ADAM12: variants seen among roughly 807,000 people sequenced by gnomAD.
The protein encoded by ADAM12 is ADAM metallopeptidase domain 12.
In ADAM12, 70 loss-of-function variants were observed where a neutral mutation model predicts 106.4. That is an observed-to-expected ratio of 0.66 (90% CI 0.54 to 0.80). The LOEUF (loss-of-function observed/expected upper bound fraction) is 0.80. Ranked by LOEUF, ADAM12 falls within the 30% of genes least tolerant of loss-of-function variation. ADAM12 has a pLI of 0.00. For synonymous variants in ADAM12, 420 were observed against 433.5 expected, an observed-to-expected ratio of 0.97 and a Z score of 0.39; for missense variants, 1,010 against 1,171.9, an observed-to-expected ratio of 0.86 and a Z score of 2.02.
In ADAM12 at chr10:126,053,710, T is replaced by C. The variant is rs141874942; in HGVS notation, c.1610-4041A>G. The stretch of plus-strand genomic sequence containing the variant: ...ATGACGTTTCCTTTGGTCTCAGTCT[T>C]TTTATTTTTTTTGAGAGAGAGTTTC... On this transcript the variant is annotated intron_variant, in intron 14 of 22. Coordinates refer to ENST00000448723, the MANE Select transcript of ADAM12 (RefSeq NM_001288973.2). This position sits in a 1 kb window ranked among gnomAD's most constrained non-coding sequence, Gnocchi z 4.6. Among the ~76,000 whole-genome samples, 310 of 152,252 alleles carry C rather than the reference T, an allele frequency of 2.0e-3. 2 individuals carry two copies. The highest frequency in any genetic ancestry group is 7.2e-3 in the African/African-American group (301 of 41,570).
At position 126,143,146 on chromosome 10, in the gene ADAM12, G is replaced by GTA. The variant is rs1381287361; in HGVS notation, c.340-7488_340-7487dup. ...TGCATGTGTATATCAGTGTGCATGT[G>GTA]TATATATGCACGTGTATATATATGT... On this transcript the variant is annotated intron_variant, in intron 4 of 22. Coordinates refer to ENST00000448723, the MANE Select transcript of ADAM12 (RefSeq NM_001288973.2). Among the ~76,000 whole-genome samples the GTA allele has an allele frequency of 2.6e-5, 4 of 151,168 alleles. No homozygotes were observed. In the East Asian group the frequency reaches 7.8e-4, roughly 30 times the overall value.
chr10:126,119,186 C>T (rs983849087), intron 5 of ADAM12, among the ~76,000 whole-genome samples: 11 of 152,176 alleles, frequency 7.2e-5, no homozygotes, highest in Non-Finnish European at 1.2e-4. Context: ...GAATCAAGAA[C>T]ACTACAGGGA....
Position 126,064,803 on chromosome 10 carries a change from T to C in ADAM12, c.1609+3A>G. 4 of 1,600,442 alleles carry C rather than the reference T, an allele frequency of 2.5e-6. No individual in the cohort carries two copies. The highest frequency in any genetic ancestry group is 3.4e-6 in the Non-Finnish European group (4 of 1,173,958). ...TGATGCCGAGCTTGTGGCGGCCACG[T>C]ACCTGGTCCCCAGAGCGTGACACAC... On this transcript the variant is annotated splice_donor_region_variant and intron_variant, in intron 14 of 22. Coordinates refer to ENST00000448723, the MANE Select transcript of ADAM12 (RefSeq NM_001288973.2). This position sits in a 1 kb window ranked among gnomAD's most constrained non-coding sequence, Gnocchi z 4.4.
intron 6 of ADAM12, among the ~76,000 whole-genome samples, chr10:126,115,613 A>T (rs1955967119): frequency 6.6e-6 from 1 of 152,230 alleles, no homozygotes. Flanking sequence ...CTGTGAAGAA[A>T]AACGCAAACA....
chr10:126,189,499 C>G (rs1957458476), intron 3 of ADAM12, among the ~76,000 whole-genome samples: 1 of 152,190 alleles, frequency 6.6e-6, no homozygotes, highest in African/African-American at 2.4e-5. Context: ...TACGGCTGCT[C>G]TACTCTACGG....
intron 3 of ADAM12, among the ~76,000 whole-genome samples, chr10:126,182,895 G>A (rs78028100): frequency 0.011 from 1,744 of 152,298 alleles, 19 homozygotes; most frequent in Non-Finnish European, 0.019. Flanking sequence ...CCAAACCCCC[G>A]GGCCACAGAC....
At chr10:126,071,937 CAG>C (rs1955003455) in intron 11 of ADAM12, among the ~76,000 whole-genome samples, 1 of 152,158 alleles carries the variant, frequency 6.6e-6, no homozygotes, top group Admixed American at 6.5e-5. Flanking sequence ...TAAGTTCAGG[CAG>C]AGTCTCATTA....
At chr10:126,040,716 T>A (rs1361245721) in intron 18 of ADAM12, among the ~76,000 whole-genome samples, 1 of 152,200 alleles carries the variant, frequency 6.6e-6, no homozygotes, top group African/African-American at 2.4e-5. Flanking sequence ...TTAAAGTTAA[T>A]TTAAAAAGTG....
rs1955817730 is a variant in ADAM12 at position 126,108,637 on chromosome 10, T to C, written c.697A>G (p.Lys233Glu). 3.1e-6 allele frequency: 5 copies of C among 1,614,200 alleles called. No individual in the cohort carries two copies. The highest frequency in any genetic ancestry group is 4.2e-6 in the Non-Finnish European group (5 of 1,179,992). The change falls in exon 8 of 23, where the codon AAA (lysine) becomes GAA (glutamate). Residue 233 changes from lysine to glutamate, a missense_variant. By Grantham distance (56) the Lys-to-Glu change is moderately conservative (BLOSUM62 1). Transcript: ENST00000448723. ...ATCTCTATTAATCGCTGCTTAACTT[T>C]TTCCAGATCTTTTCCTTGCCTCTGA... ...EFQRQGKDLE[K>E]VKQRLIEIAN...
intron 2 of ADAM12, among the ~76,000 whole-genome samples, chr10:126,318,436 T>A (rs548495147): frequency 7.9e-5 from 12 of 151,834 alleles, no homozygotes; most frequent in Admixed American, 2.0e-4. Context: ...ACAGATACAC[T>A]TTCACATACA....
intron 7 of ADAM12, 106 bp downstream of exon 7, chr10:126,109,669 G>A: frequency 1.1e-6 from 1 of 921,214 alleles, no homozygotes; most frequent in Non-Finnish European, 1.7e-6. Flanking sequence ...GCTTTTAAGA[G>A]CACATAGGAA....
intron 3 of ADAM12, among the ~76,000 whole-genome samples, chr10:126,227,894 A>G (rs551017861): frequency 2.7e-4 from 41 of 152,196 alleles, no homozygotes; most frequent in Non-Finnish European, 1.8e-4. Flanking sequence ...CTGAGTCATG[A>G]CAGATGGTGA....
intron 2 of ADAM12, among the ~76,000 whole-genome samples, chr10:126,298,674 A>G (rs1960484210): frequency 6.6e-6 from 1 of 152,156 alleles, no homozygotes; most frequent in South Asian, 2.1e-4. Context: ...TTTATAAAAA[A>G]AATCACGAAT....
chr10:126,346,050 G>T (rs1396812527), intron 1 of ADAM12, among the ~76,000 whole-genome samples: 1 of 151,788 alleles, frequency 6.6e-6, no homozygotes, highest in African/African-American at 2.4e-5. Flanking sequence ...GTTATTTCTT[G>T]CCCCTTCTGC....
At chr10:126,261,017 A>T (rs930015701) in intron 3 of ADAM12, among the ~76,000 whole-genome samples, 2 of 152,244 alleles carry the variant, frequency 1.3e-5, no homozygotes, top group South Asian at 2.1e-4. Flanking sequence ...AATATACAGG[A>T]TAACAACTAT....
At chr10:126,295,045 T>C (rs976866286) in intron 2 of ADAM12, among the ~76,000 whole-genome samples, 2 of 152,166 alleles carry the variant, frequency 1.3e-5, no homozygotes, top group African/African-American at 4.8e-5. Context: ...TCCTTGCTAA[T>C]TTTTTACAAA....
chr10:126,224,478 A>G (rs1203471875), intron 3 of ADAM12, among the ~76,000 whole-genome samples: 1 of 151,922 alleles, frequency 6.6e-6, no homozygotes, highest in Non-Finnish European at 1.5e-5. Flanking sequence ...AGAAACAAGC[A>G]CAGGAAGGAT....
chr10:126,387,986 C>G, intron 1 of ADAM12, 72 bp downstream of exon 1: 2 of 1,183,944 alleles, frequency 1.7e-6, no homozygotes, highest in Non-Finnish European at 2.1e-6. Flanking sequence ...CCCTGGACCT[C>G]GGCGCGCCCA....
chr10:126,176,562 C>T (rs1957223146), intron 3 of ADAM12, among the ~76,000 whole-genome samples: 1 of 152,156 alleles, frequency 6.6e-6, no homozygotes, highest in Admixed American at 6.5e-5. Flanking sequence ...CTATCTTGTG[C>T]TCAGAATACG....
Sources: allele counts gnomAD v4.1 joint callset (sites outside exome capture counted in the v4.1 genomes callset), GRCh38; gene constraint gnomAD v4.1.1; non-coding constraint Gnocchi (gnomAD v3.1); transcripts MANE v1.5; gene names NCBI Gene and HGNC (gene_info 2026-07-23, HGNC 2026-07-21).